Variants in MYO18A observed in about 807,000 individuals in gnomAD.
MYO18A encodes the protein myosin XVIIIA.
Under a neutral mutation model 235.8 loss-of-function variants are expected in MYO18A, and 78 were observed. The observed-to-expected ratio is 0.33, with a 90% CI of 0.28 to 0.40. MYO18A has a LOEUF of 0.40. Among genes scored for constraint, MYO18A ranks in the 10% least tolerant of loss-of-function variants. The pLI, the probability that MYO18A is intolerant of heterozygous loss-of-function variation, is 1.00. For missense variants in MYO18A, 2,215 were observed against 2,699.3 expected (o/e 0.82, Z 3.98); for synonymous variants, 977 against 1,077.8 (o/e 0.91, Z 1.83).
chr17:29,133,611 A>G, intron 2 of MYO18A: 1 of 391,458 alleles, frequency 2.6e-6, no homozygotes. Context: ...TCAGTGCAGG[A>G]GCCCATCCAG....
intron 2 of MYO18A, among the ~76,000 whole-genome samples, chr17:29,159,763 T>C (rs1764345060): frequency 6.6e-6 from 1 of 152,114 alleles, no homozygotes; most frequent in Admixed American, 6.5e-5. Flanking sequence ...ATGAGGCTCA[T>C]ACAGTTTCTA....
At chr17:29,169,871 G>A (rs2068363501) in intron 1 of MYO18A, among the ~76,000 whole-genome samples, 1 of 152,092 alleles carries the variant, frequency 6.6e-6, no homozygotes, top group South Asian at 2.1e-4. Flanking sequence ...AGTAATATGA[G>A]TGGAAAGGAT....
Position 29,121,961 on chromosome 17 carries a change from C to T in MYO18A, c.1088-4G>A, listed in dbSNP as rs2067211115. 1.2e-6 allele frequency: 2 copies of T among 1,613,504 alleles called. No individual in the cohort carries two copies. Among genetic ancestry groups the T allele is most frequent in the South Asian group, 2.2e-5 (2 of 91,078 alleles). On this transcript the variant is annotated splice_region_variant and splice_polypyrimidine_tract_variant and intron_variant, in intron 3 of 41. Coordinates refer to ENST00000527372, the MANE Select transcript of MYO18A (RefSeq NM_078471.4). The surrounding 1 kb of genome is among the most constrained non-coding windows in gnomAD (Gnocchi z 4.2). ...TCCTCAGATTTGAGTTGACTGGCTG[C>T]AGGGGAGGGACAGACAGCTGGGATG... is the stretch of plus-strand genomic sequence containing the variant.
chr17:29,098,173 C>T lies in MYO18A; in HGVS notation c.3922G>A (p.Ala1308Thr), dbSNP rs372665672. The change falls in exon 25 of 42, where the codon GCC becomes ACC. Residue 1308 changes from alanine to threonine, a missense_variant. Physicochemically the swap from Ala to Thr is moderately conservative, Grantham distance 58 (BLOSUM62 0). Transcript: ENST00000527372. Reference sequence around the variant, plus strand: ...GTCTCCGCGTCCAGCAGCTGGGAGGCGGACTCTCCTGTGTTACGCTCATCT... The same window carrying T: ...GTCTCCGCGTCCAGCAGCTGGGAGGTGGACTCTCCTGTGTTACGCTCATCT... ...LTDERNTGES[A>T]SQLLDAETAE... 66 of 1,613,828 alleles carry T rather than the reference C, an allele frequency of 4.1e-5. No individual in the cohort carries two copies. Among genetic ancestry groups the T allele is most frequent in the Non-Finnish European group, 5.3e-5 (63 of 1,179,888 alleles).
chr17:29,090,830 GCTT>G lies in MYO18A; in HGVS notation c.5281_5283del (p.Lys1761del). The G allele has an allele frequency of 6.2e-7, 1 of 1,613,992 alleles. No individual in the cohort carries two copies. The highest frequency in any genetic ancestry group is 8.5e-7 in the Non-Finnish European group (1 of 1,179,862). ...GGTACCTGAGCCACGGCAGCCTTGT[GCTT>G]CTTCATCAATTCGTTCATGTCTTCC... is the stretch of plus-strand genomic sequence containing the variant. On this transcript the variant is annotated inframe_deletion, in exon 35 of 42. Coordinates refer to ENST00000527372, the MANE Select transcript of MYO18A (RefSeq NM_078471.4).
intron 10 of MYO18A, among the ~76,000 whole-genome samples, chr17:29,116,678 G>C (rs1287274344): frequency 9.0e-6 from 1 of 110,946 alleles, no homozygotes; most frequent in African/African-American, 3.6e-5. Context: ...CACAGAAAGA[G>C]ACCCGCAAAG....
intron 37 of MYO18A, among the ~76,000 whole-genome samples, chr17:29,087,739 C>T (rs2066289812): frequency 6.6e-6 from 1 of 152,132 alleles, no homozygotes; most frequent in Non-Finnish European, 1.5e-5. Flanking sequence ...ACTGGTCCCC[C>T]AGCCTCTATA....
chr17:29,124,694 G>A (rs1054581481), intron 2 of MYO18A: 7 of 1,283,324 alleles, frequency 5.5e-6, no homozygotes, highest in East Asian at 5.6e-5. Context: ...TCCAGCTACC[G>A]ACAGCAAGCA....
chr17:29,126,816 GA>G lies in MYO18A; in HGVS notation c.1000-4564del, dbSNP rs1232414765. Among the ~76,000 whole-genome samples the G allele has an allele frequency of 6.6e-6, 1 of 152,230 alleles. No homozygotes were observed. Among genetic ancestry groups the G allele is most frequent in the Non-Finnish European group, 1.5e-5 (1 of 68,034 alleles). On this transcript the variant is annotated intron_variant, in intron 2 of 41. Transcript: ENST00000527372. The surrounding 1 kb of genome is among the most constrained non-coding windows in gnomAD (Gnocchi z 4.1). ...AGAAGGCAACACTTTCCAAGGGAAA[GA>G]GGCTGGACTGACCCTCCCTCCTGCT... is the stretch of plus-strand genomic sequence containing the variant.
At position 29,121,209 on chromosome 17, in the gene MYO18A, C is replaced by T. The variant is rs777287495; in HGVS notation, c.1374G>A (p.Val458=). The change falls in exon 6 of 42, where the codon GTG becomes GTA. Residue 458 remains valine, a splice_region_variant and synonymous_variant. Coordinates refer to ENST00000527372, the MANE Select transcript of MYO18A (RefSeq NM_078471.4). The surrounding 1 kb of genome is among the most constrained non-coding windows in gnomAD (Gnocchi z 4.2). ...GCCGACAACCCTTGAACATGTGCAT[C>T]ACCTTGGGCAGGAGAGCAAGGGAGA... ...RGAPAVYSEK[V]MHMFKGCRRE... 1.9e-6 allele frequency: 3 copies of T among 1,603,618 alleles called. No homozygotes were observed. Among genetic ancestry groups the T allele is most frequent in the Non-Finnish European group, 2.6e-6 (3 of 1,175,150 alleles).
At chr17:29,077,643 C>A (rs901063493) in intron 41 of MYO18A, 5 of 152,300 alleles carry the variant, frequency 3.3e-5, no homozygotes, top group African/African-American at 1.2e-4. Context: ...ATCCAATCCT[C>A]CTTGGAGCGG....
Position 29,115,712 on chromosome 17 carries a change from T to C in MYO18A, c.2179A>G (p.Thr727Ala). The C allele has an allele frequency of 6.2e-7, 1 of 1,605,770 alleles. No homozygotes were observed. Among genetic ancestry groups the C allele is most frequent in the South Asian group, 1.1e-5 (1 of 89,320 alleles). Residue 727 changes from threonine (T) to alanine (A), a missense_variant, in exon 12 of 42, where the codon ACC (threonine) becomes GCC (alanine). Physicochemically the swap from Thr to Ala is moderately conservative, Grantham distance 58. Transcript: ENST00000527372. ...QHKGGTLQRSTSFRQGPEESG... is the reference protein window; with the variant it reads ...QHKGGTLQRSASFRQGPEESG... ...TCCTCGGGGCCCTGGCGGAAGGAGG[T>C]GGAGCGCTGCAGGGTGCCACCCTTG...
At chr17:29,112,050 G>A (rs891686707) in intron 15 of MYO18A, among the ~76,000 whole-genome samples, 187 bp from the exon 16 acceptor site, 1 of 152,206 alleles carries the variant, frequency 6.6e-6, no homozygotes, top group African/African-American at 2.4e-5. Flanking sequence ...GGGGAAAGGG[G>A]AGCCAAGAAA....
rs753012563 is a variant in MYO18A, at chr17:29,111,424, T to C, written c.2900A>G (p.Lys967Arg). 1 of 1,611,916 alleles carries C rather than the reference T, an allele frequency of 6.2e-7. No individual in the cohort carries two copies. The highest frequency in any genetic ancestry group is 8.5e-7 in the Non-Finnish European group (1 of 1,179,172). ...NAPRLLQDSQ[K>R]KIISNLFLGR... ...GGGGCGGAGGGAGTGGTGGTCTTACTTCTGGGAGTCCTGCAGGAGCCGGGG... is the reference window on the plus strand; with the variant it reads ...GGGGCGGAGGGAGTGGTGGTCTTACCTCTGGGAGTCCTGCAGGAGCCGGGG... The change falls in exon 17 of 42, where the codon AAA becomes AGA. Residue 967 changes from lysine to arginine, a missense_variant and splice_region_variant. Coordinates refer to ENST00000527372, the MANE Select transcript of MYO18A (RefSeq NM_078471.4). This position sits in a 1 kb window ranked among gnomAD's most constrained non-coding sequence, Gnocchi z 5.1.
intron 26 of MYO18A, 65 bp from the exon 27 acceptor site, chr17:29,097,415 A>C (rs1373848213): frequency 6.3e-7 from 1 of 1,584,362 alleles, no homozygotes; most frequent in Middle Eastern, 1.7e-4. Context: ...GGCAGAGGGG[A>C]AGGAGGATGG....
chr17:29,133,950 C>G (rs1301827731), intron 2 of MYO18A: 2 of 957,170 alleles, frequency 2.1e-6, no homozygotes, highest in African/African-American at 3.4e-5. Flanking sequence ...CTGTGGGCAA[C>G]AAGGGGAAAG....
intron 41 of MYO18A, chr17:29,080,850 G>A: frequency 1.0e-5 from 10 of 985,458 alleles, no homozygotes; most frequent in Non-Finnish European, 1.2e-5. Flanking sequence ...GCCTCTCAGG[G>A]GAGGCCGCCC....
intron 2 of MYO18A, among the ~76,000 whole-genome samples, chr17:29,133,039 G>A (rs1158224386): frequency 6.6e-6 from 1 of 152,250 alleles, no homozygotes; most frequent in Non-Finnish European, 1.5e-5. Flanking sequence ...TAACTTGGGT[G>A]CCGGGGTGGC....
chr17:29,120,730 G>A lies in MYO18A; in HGVS notation c.1614C>T (p.Leu538=), dbSNP rs2067176983. 3 of 1,613,762 alleles carry A rather than the reference G, an allele frequency of 1.9e-6. No homozygotes were observed. Among genetic ancestry groups the A allele is most frequent in the Admixed American group, 3.3e-5 (2 of 59,994 alleles). Reference sequence around the variant, plus strand: ...TGGGGCTGTTCCCAAAGGCTTCCAGGAGGGTGTACAGAGCCTGCCACTTCT... The same window carrying A: ...TGGGGCTGTTCCCAAAGGCTTCCAGAAGGGTGTACAGAGCCTGCCACTTCT... ...SVEKWQALYT[L]LEAFGNSPTI... Residue 538 remains leucine, a synonymous_variant, in exon 7 of 42, where the codon CTC becomes CTT. Coordinates refer to ENST00000527372, the MANE Select transcript of MYO18A (RefSeq NM_078471.4). This position sits in a 1 kb window ranked among gnomAD's most constrained non-coding sequence, Gnocchi z 4.2.
Sources: allele counts gnomAD v4.1 joint callset (sites outside exome capture counted in the v4.1 genomes callset), GRCh38; gene constraint gnomAD v4.1.1; non-coding constraint Gnocchi (gnomAD v3.1); transcripts MANE v1.5; gene names NCBI Gene and HGNC (gene_info 2026-07-23, HGNC 2026-07-21).